The following MBTD1 variants were observed in gnomAD, a reference collection of about 807,000 sequenced individuals.
The protein encoded by MBTD1 is MBT domain-containing protein 1.
In MBTD1, 24 loss-of-function variants were observed where a neutral mutation model predicts 87.8. The observed-to-expected ratio is 0.27, with a 90% CI of 0.20 to 0.38. MBTD1 has a LOEUF of 0.38. Ranked by LOEUF, MBTD1 falls within the 10% of genes least tolerant of loss-of-function variation. The pLI is 1.00. For missense variants in MBTD1, 436 were observed against 760.2 expected (o/e 0.57, Z 5.02); for synonymous variants, 237 against 248.6 (o/e 0.95, Z 0.44).
chr17:51,246,565 T>C (rs1443382850), intron 2 of MBTD1, among the ~76,000 whole-genome samples: 1 of 152,226 alleles, frequency 6.6e-6, no homozygotes, highest in South Asian at 2.1e-4. Context: ...TTGTCACTGA[T>C]TTTTCTAAGG....
At chr17:51,257,729 C>T (rs540624143) in intron 2 of MBTD1, among the ~76,000 whole-genome samples, 2 of 152,238 alleles carry the variant, frequency 1.3e-5, no homozygotes, top group East Asian at 1.9e-4. Context: ...CTTGGAACTC[C>T]TTATTAATTA....
chr17:51,181,193 A>G (rs745598617), intron 16 of MBTD1, among the ~76,000 whole-genome samples: 14 of 151,866 alleles, frequency 9.2e-5, no homozygotes, highest in Admixed American at 3.9e-4. Flanking sequence ...CGCCCAGCTA[A>G]TTTTTGTATT....
chr17:51,204,870 A>T, intron 7 of MBTD1, among the ~76,000 whole-genome samples: 1 of 152,230 alleles, frequency 6.6e-6, no homozygotes, highest in Non-Finnish European at 1.5e-5. Context: ...GGTAATTTGA[A>T]TGTGGCTACT....
At chr17:51,186,026 T>C in intron 16 of MBTD1, 1 of 152,806 alleles carries the variant, frequency 6.5e-6, no homozygotes, top group Admixed American at 6.5e-5. Flanking sequence ...ACTAATTACC[T>C]GTTTTGAGGC....
chr17:51,217,842 C>T (rs938909574), intron 5 of MBTD1, among the ~76,000 whole-genome samples: 2 of 152,144 alleles, frequency 1.3e-5, no homozygotes, highest in African/African-American at 2.4e-5. Flanking sequence ...CTCCTGACCT[C>T]GTGATCCACC....
intron 2 of MBTD1, chr17:51,251,456 C>T (rs2054777083): frequency 6.6e-6 from 1 of 152,230 alleles, no homozygotes; most frequent in African/African-American, 2.4e-5. Context: ...CTTCTCCATA[C>T]ATAGAGCTGT....
At chr17:51,211,149 G>GAAA (rs113570976) in intron 6 of MBTD1, among the ~76,000 whole-genome samples, 2 of 127,706 alleles carry the variant, frequency 1.6e-5, no homozygotes, top group African/African-American at 3.0e-5. Context: ...AAAAAAAAAA[G>GAAA]AAAAAAAAAA....
intron 3 of MBTD1, among the ~76,000 whole-genome samples, chr17:51,221,279 CAGA>C (rs993360928): frequency 1.3e-5 from 2 of 152,122 alleles, no homozygotes; most frequent in African/African-American, 4.8e-5. Context: ...GCCTGGACAA[CAGA>C]AGGAGATCCT....
chr17:51,182,415 C>T (rs150476564), intron 16 of MBTD1, among the ~76,000 whole-genome samples: 180 of 152,120 alleles, frequency 1.2e-3, no homozygotes, highest in African/African-American at 4.0e-3. Flanking sequence ...TGTCAGCCAC[C>T]GCGCCTGGCC....
upstream of MBTD1, chr17:51,260,243 AAGC>A (rs1195021568): frequency 9.1e-6 from 4 of 441,254 alleles, no homozygotes; most frequent in Non-Finnish European, 1.6e-5. Flanking sequence ...CCAAGAGGAA[AAGC>A]AGAAGTTCCA....
chr17:51,249,857 C>T (rs2054673914), intron 2 of MBTD1: 1 of 152,154 alleles, frequency 6.6e-6, no homozygotes. Context: ...CTGACTCCCT[C>T]ATATTACTTC....
Position 51,259,288 on chromosome 17 carries a change from C to T in MBTD1, c.-112-82G>A, listed in dbSNP as rs143342911. On this transcript the variant is annotated intron_variant, in intron 1 of 16. Transcript: ENST00000586178. ...CCGACTTGAAACCCTTTTAAATATG[C>T]AGCCTTGGAGGCTGCTTCCCAAACA... The T allele has an allele frequency of 4.8e-4, 587 of 1,229,626 alleles. 6 individuals carry two copies. The East Asian group carries it at 0.014, about 28-fold the overall frequency. The allele number at this position is 1,229,626 out of a possible 1,614,324, so 76.2% of individuals were successfully genotyped here. A position where few individuals can be genotyped will look rare whatever the true frequency, so the allele number is the denominator to read the frequency against.
intron 2 of MBTD1, among the ~76,000 whole-genome samples, chr17:51,256,008 G>C (rs2055067062): frequency 6.6e-6 from 1 of 152,128 alleles, no homozygotes; most frequent in Non-Finnish European, 1.5e-5. Context: ...GACTGCAAAC[G>C]GTGGCCAAAT....
At chr17:51,243,854 A>T (rs2054287963) in intron 2 of MBTD1, among the ~76,000 whole-genome samples, 1 of 152,114 alleles carries the variant, frequency 6.6e-6, no homozygotes, top group Non-Finnish European at 1.5e-5. Context: ...AATGCAAGCA[A>T]GCCCCTTCCC....
At chr17:51,231,244 A>T (rs964026711) in intron 2 of MBTD1, among the ~76,000 whole-genome samples, 2 of 152,112 alleles carry the variant, frequency 1.3e-5, no homozygotes, top group Middle Eastern at 3.2e-3. Flanking sequence ...CAGACCTTTT[A>T]TATCTATAGT....
At chr17:51,209,564 C>T (rs536507773) in intron 6 of MBTD1, 18 of 452,608 alleles carry the variant, frequency 4.0e-5, no homozygotes, top group African/African-American at 3.6e-4. Context: ...ATTTGCTGTA[C>T]TTCAAGATCA....
At chr17:51,239,211 T>C (rs1384780870) in intron 2 of MBTD1, among the ~76,000 whole-genome samples, 1 of 152,166 alleles carries the variant, frequency 6.6e-6, no homozygotes, top group African/African-American at 2.4e-5. Context: ...AAAAACAGTT[T>C]AGGGGATAGA....
chr17:51,198,448 C>T (rs2051267018), intron 12 of MBTD1, among the ~76,000 whole-genome samples: 1 of 152,190 alleles, frequency 6.6e-6, no homozygotes, highest in African/African-American at 2.4e-5. Context: ...TAAACATGTA[C>T]ACTAAATTTA....
Position 51,195,371 on chromosome 17 carries a change from G to A in MBTD1, c.1225-10C>T. 2.5e-6 allele frequency: 4 copies of A among 1,577,236 alleles called. No individual in the cohort carries two copies. Among genetic ancestry groups the A allele is most frequent in the Non-Finnish European group, 3.4e-6 (4 of 1,162,092 alleles). On this transcript the variant is annotated splice_polypyrimidine_tract_variant and intron_variant, in intron 12 of 16. Transcript: ENST00000586178. The stretch of plus-strand genomic sequence containing the variant: ...ATCCGTCAGCTAGCACCTTTTCAAT[G>A]AAGAGAATTCTAAGTACTTGAAATT...
Sources: allele counts gnomAD v4.1 joint callset (sites outside exome capture counted in the v4.1 genomes callset), GRCh38; gene constraint gnomAD v4.1.1; transcripts MANE v1.5; gene names NCBI Gene and HGNC (gene_info 2026-07-23, HGNC 2026-07-21).